Variants in DIPK2A observed in about 807,000 individuals in gnomAD.
DIPK2A encodes divergent protein kinase domain 2A.
A neutral mutation model predicts 39.0 loss-of-function variants in DIPK2A; 27 were observed. The observed-to-expected ratio is 0.69, with a 90% CI of 0.51 to 0.96. The LOEUF is 0.96. Ranked by LOEUF, DIPK2A falls within the 40% of genes least tolerant of loss-of-function variation. DIPK2A has a pLI of 0.00. For missense variants in DIPK2A, 528 were observed against 571.3 expected (o/e 0.92, Z 0.77); for synonymous variants, 298 against 240.8 (o/e 1.24, Z -2.20).
At position 143,972,760 on chromosome 3, in the gene DIPK2A, G is replaced by C; in HGVS notation, c.428G>C (p.Arg143Pro). The change falls in exon 1 of 3, where the codon CGG becomes CCG. Residue 143 changes from arginine to proline, a missense_variant. Around this residue, in one of 2 missense-constraint regions of DIPK2A, gnomAD observed 309 missense variants for 289.8 expected, o/e 1.07. Transcript: ENST00000315691. ...PRCDLLQAMP[R>P]TEFARLNGDV... ...TGCGACCTGCTGCAGGCCATGCCCC[G>C]GACCGAGTTCGCGCGCCTCAACGGC... 2 of 1,575,848 alleles carry C rather than the reference G, an allele frequency of 1.3e-6. No homozygotes were observed. The highest frequency in any genetic ancestry group is 8.6e-7 in the Non-Finnish European group (1 of 1,164,802).
chr3:143,973,478 C>T, intron 1 of DIPK2A: 1 of 1,551,514 alleles, frequency 6.4e-7, no homozygotes, highest in Non-Finnish European at 8.7e-7. Context: ...TCTTTGTTTT[C>T]GCTCATTTAC....
At chr3:143,976,531 A>AGTGTGTGT (rs34741607) in intron 1 of DIPK2A, among the ~76,000 whole-genome samples, 296 of 142,722 alleles carry the variant, frequency 2.1e-3, no homozygotes, top group African/African-American at 7.7e-3. Flanking sequence ...AGAAAGGGAG[A>AGTGTGTGT]GTGTGTGTGT....
At chr3:143,978,677 T>A (rs1253768658) in intron 1 of DIPK2A, among the ~76,000 whole-genome samples, 8 of 49,980 alleles carry the variant, frequency 1.6e-4, no homozygotes, top group African/African-American at 2.2e-4. Context: ...TAGATATATA[T>A]ATATCTATAT....
chr3:143,978,626 A>ATATAGATATATATCTATC, intron 1 of DIPK2A: 8 of 33,930 alleles, frequency 2.4e-4, no homozygotes, highest in African/African-American at 9.2e-4. Flanking sequence ...CTATATCTAT[A>ATATAGATATATATCTATC]TATATATATA....
rs2087665723 is a variant in DIPK2A, at chr3:143,972,451, A to G, written c.119A>G (p.Gln40Arg). 6.3e-7 allele frequency: 1 copy of G among 1,598,338 alleles called. No individual in the cohort carries two copies. The highest frequency in any genetic ancestry group is 1.3e-5 in the African/African-American group (1 of 74,466). ...LHSPSLLASW[Q>R]RNELTDRRFL... ...TCGCCGTCGCTGCTCGCCTCTTGGC[A>G]GCGCAACGAACTGACCGACCGGCGC... is the stretch of plus-strand genomic sequence containing the variant. Residue 40 changes from glutamine (Q) to arginine (R), a missense_variant, in exon 1 of 3, where the codon CAG becomes CGG. Around this residue, in one of 2 missense-constraint regions of DIPK2A, gnomAD observed 309 missense variants for 289.8 expected, o/e 1.07. Coordinates refer to ENST00000315691, the MANE Select transcript of DIPK2A (RefSeq NM_173552.5).
chr3:143,978,645 T>TCTATATATAG (rs2087775994), intron 1 of DIPK2A: 8 of 42,024 alleles, frequency 1.9e-4, no homozygotes, highest in Non-Finnish European at 2.9e-4. Flanking sequence ...TATATCTATA[T>TCTATATATAG]ATATATATAT....
chr3:143,988,330 G>C (rs1215164439), intron 2 of DIPK2A, among the ~76,000 whole-genome samples: 1 of 152,036 alleles, frequency 6.6e-6, no homozygotes, highest in African/African-American at 2.4e-5. Context: ...AAACTTGTGG[G>C]CTTAAGCAGT....
In DIPK2A at chr3:143,987,637, C is replaced by A. The variant is rs1026589602; in HGVS notation, c.961+1791C>A. 4.6e-5 allele frequency among the ~76,000 whole-genome samples: 7 copies of A among 152,188 alleles called. 1 individual carries two copies. The East Asian group carries it at 1.2e-3, about 25-fold the overall frequency. On this transcript the variant is annotated intron_variant, in intron 2 of 2. Transcript: ENST00000315691. ...TCATTAAAACAGCAACAGATAGATT[C>A]TTCTTTGAGAACTTGTTACATCAGT...
At chr3:143,976,555 T>TGTGAGAGAGAGAGAGAGAGAGAGAGAGA (rs1304250535) in intron 1 of DIPK2A, among the ~76,000 whole-genome samples, 2 of 118,046 alleles carry the variant, frequency 1.7e-5, no homozygotes, top group Non-Finnish European at 3.3e-5. Flanking sequence ...TGTGTGTGTG[T>TGTGAGAGAGAGAGAGAGAGAGAGAGAGA]GAGAGAGAGA....
intron 1 of DIPK2A, among the ~76,000 whole-genome samples, chr3:143,982,975 A>G (rs1033401112): frequency 2.6e-5 from 4 of 152,236 alleles, no homozygotes; most frequent in Non-Finnish European, 5.9e-5. Flanking sequence ...AACAAAGATC[A>G]TAAAAGACAA....
At chr3:143,974,006 G>T (rs1220852627) in intron 1 of DIPK2A, among the ~76,000 whole-genome samples, 1 of 152,090 alleles carries the variant, frequency 6.6e-6, no homozygotes, top group Non-Finnish European at 1.5e-5. Context: ...TGCAGGAAAA[G>T]TTACCGTGCT....
At chr3:143,974,630 G>C (rs1049475950) in intron 1 of DIPK2A, among the ~76,000 whole-genome samples, 2 of 152,122 alleles carry the variant, frequency 1.3e-5, no homozygotes, top group African/African-American at 2.4e-5. Context: ...CTGAGACCCA[G>C]AAATTTAGCA....
At chr3:143,978,701 T>C (rs916056140) in intron 1 of DIPK2A, among the ~76,000 whole-genome samples, 9 of 143,040 alleles carry the variant, frequency 6.3e-5, no homozygotes, top group South Asian at 4.3e-4. Context: ...TATATATATA[T>C]ACTGTCACAT....
intron 1 of DIPK2A, chr3:143,978,642 A>G (rs9847906): frequency 5.8e-5 from 2 of 34,516 alleles, no homozygotes; most frequent in Admixed American, 2.9e-4. Flanking sequence ...ATATATATCT[A>G]TATATATATA....
At chr3:143,982,867 A>G (rs937010823) in intron 1 of DIPK2A, among the ~76,000 whole-genome samples, 1 of 151,922 alleles carries the variant, frequency 6.6e-6, no homozygotes, top group Middle Eastern at 3.2e-3. Context: ...ATGCAAAGAC[A>G]CACATGAAAC....
chr3:143,975,882 C>T (rs373999116), intron 1 of DIPK2A, among the ~76,000 whole-genome samples: 1 of 152,118 alleles, frequency 6.6e-6, no homozygotes, highest in African/African-American at 2.4e-5. Context: ...GTATTCTTAA[C>T]AAAACTTCCA....
intron 1 of DIPK2A, among the ~76,000 whole-genome samples, chr3:143,980,958 A>G (rs752072102): frequency 2.8e-4 from 43 of 152,226 alleles, no homozygotes; most frequent in Non-Finnish European, 5.4e-4. Flanking sequence ...GAATACAAGC[A>G]CTTTTAAGTA....
chr3:143,976,091 T>C (rs2087724724), intron 1 of DIPK2A, among the ~76,000 whole-genome samples: 1 of 152,226 alleles, frequency 6.6e-6, no homozygotes, highest in Admixed American at 6.5e-5. Flanking sequence ...CACACATACC[T>C]TATCTATGTA....
intron 1 of DIPK2A, among the ~76,000 whole-genome samples, chr3:143,976,041 G>C (rs1002497551): frequency 1.3e-5 from 2 of 152,032 alleles, no homozygotes; most frequent in Admixed American, 6.5e-5. Context: ...ATTATTCCTT[G>C]AAAGGAGAGG....
Sources: allele counts gnomAD v4.1 joint callset (sites outside exome capture counted in the v4.1 genomes callset), GRCh38; gene constraint gnomAD v4.1.1; regional missense constraint gnomAD v4.1.1; transcripts MANE v1.5; gene names NCBI Gene and HGNC (gene_info 2026-07-23, HGNC 2026-07-21).